The following CYP17A1 variants were observed in gnomAD, a reference collection of about 807,000 sequenced individuals.
CYP17A1 encodes cytochrome P450 family 17 subfamily A member 1.
Under a neutral mutation model 38.5 loss-of-function variants are expected in CYP17A1, and 27 were observed. That is an observed-to-expected ratio of 0.70 (90% CI 0.52 to 0.97). The LOEUF is 0.97. Ranked by LOEUF, CYP17A1 falls within the 50% of genes least tolerant of loss-of-function variation. The probability of loss-of-function intolerance (pLI) is 0.00; values close to 1 mark genes in which losing one functional copy is unlikely to be tolerated. For missense variants in CYP17A1, 549 were observed against 645.9 expected, an observed-to-expected ratio of 0.85 and a Z score of 1.63; for synonymous variants, 263 against 253.3, an observed-to-expected ratio of 1.04 and a Z score of -0.36.
rs1347586947 is a variant in CYP17A1, at chr10:102,832,554, C to T, written c.1096G>A (p.Val366Met). The change falls in exon 6 of 8, where the codon GTG becomes ATG. Residue 366 changes from valine to methionine, a missense_variant. This residue lies in a region of CYP17A1 where 257 missense variants were observed against 307.9 expected (regional missense o/e 0.83). Transcript: ENST00000369887. ...TIREVLRLRPVAPMLIPHKAN... is the reference protein window; with the variant it reads ...TIREVLRLRPMAPMLIPHKAN... Reference sequence around the variant, plus strand: ...TTGTGGGGGATGAGCATAGGGGCCACGGGCCTGAGGCGAAGCACCTCTCGG... The same window carrying T: ...TTGTGGGGGATGAGCATAGGGGCCATGGGCCTGAGGCGAAGCACCTCTCGG... 6 of 1,611,644 alleles carry T rather than the reference C, an allele frequency of 3.7e-6. No individual in the cohort carries two copies. The highest frequency in any genetic ancestry group is 1.1e-5 in the South Asian group (1 of 91,040).
intron 2 of CYP17A1, 83 bp downstream of exon 2, chr10:102,835,171 C>T (rs1236201579): frequency 7.5e-7 from 1 of 1,336,668 alleles, no homozygotes; most frequent in African/African-American, 1.4e-5. Flanking sequence ...TAGTCCTAAC[C>T]CTTACCCCTG....
At chr10:102,834,643 G>A in intron 3 of CYP17A1, 142 bp downstream of exon 3, 1 of 1,135,984 alleles carries the variant, frequency 8.8e-7, no homozygotes, top group Non-Finnish European at 1.3e-6. Flanking sequence ...AAGGTTTTAA[G>A]TGGCAGAGGA....
intron 6 of CYP17A1, among the ~76,000 whole-genome samples, chr10:102,831,942 C>G (rs962328396): frequency 2.6e-5 from 4 of 152,168 alleles, no homozygotes; most frequent in Non-Finnish European, 5.9e-5. Flanking sequence ...TCATCCCAGA[C>G]CACATGTCTC....
rs762160716 is a variant in CYP17A1 at position 102,832,672 on chromosome 10, CTTCTT to C, written c.973_977del (p.Lys325GlufsTer7). 2 of 1,601,724 alleles carry C rather than the reference CTTCTT, an allele frequency of 1.2e-6. No individual in the cohort carries two copies. The highest frequency in any genetic ancestry group is 1.7e-6 in the Non-Finnish European group (2 of 1,168,688). ...TCTGGTCAATCTCCTCGTAGAGCTT[CTTCTT>C]CACCTGAAGACCAGAGTAGGTTGGA... On this transcript the variant is annotated frameshift_variant, in exon 6 of 8. Coordinates refer to ENST00000369887, the MANE Select transcript of CYP17A1 (RefSeq NM_000102.4). LOFTEE classifies it high-confidence loss of function.
chr10:102,832,911 C>T, intron 5 of CYP17A1, 82 bp downstream of exon 5: 1 of 1,572,644 alleles, frequency 6.4e-7, no homozygotes, highest in Non-Finnish European at 8.6e-7. Flanking sequence ...GCACAGAAAG[C>T]CTGAGAGAAT....
rs1844147143 is a variant in CYP17A1 at position 102,835,312 on chromosome 10, C to T, written c.378G>A (p.Arg126=). Residue 126 remains arginine (R), a synonymous_variant, in exon 2 of 8, where the codon AGG becomes AGA. Transcript: ENST00000369887. ...DSGAHWQLHR[R]LAMATFALFK... The stretch of plus-strand genomic sequence containing the variant: ...ACAGGGCAAAGGTGGCCATCGCCAG[C>T]CTTCGATGCAGCTGCCAGTGTGCGC... 7.4e-6 allele frequency: 12 copies of T among 1,612,584 alleles called. No individual in the cohort carries two copies. Among genetic ancestry groups the T allele is most frequent in the Non-Finnish European group, 1.0e-5 (12 of 1,178,626 alleles).
chr10:102,834,877 C>T lies in CYP17A1; in HGVS notation c.574G>A (p.Asp192Asn), dbSNP rs769089279. The change falls in exon 3 of 8, where the codon GAC becomes AAC. Residue 192 changes from aspartate (D) to asparagine (N), a missense_variant. Around this residue, in one of 3 missense-constraint regions of CYP17A1, gnomAD observed 289 missense variants for 320.9 expected, o/e 0.90. Coordinates refer to ENST00000369887, the MANE Select transcript of CYP17A1 (RefSeq NM_000102.4). ...TTCTGTATGACATTCAACTCAGGGT[C>T]CCCATTCTTGTAGGAGGTATTGAAG... is the stretch of plus-strand genomic sequence containing the variant. ...ICFNTSYKNG[D>N]PELNVIQNYN... The T allele has an allele frequency of 1.2e-6, 2 of 1,613,982 alleles. No individual in the cohort carries two copies. Among genetic ancestry groups the T allele is most frequent in the Non-Finnish European group, 1.7e-6 (2 of 1,179,980 alleles).
Position 102,837,272 on chromosome 10 carries a change from G to T in CYP17A1, c.90C>A (p.Ser30Arg). The T allele has an allele frequency of 2.5e-6, 4 of 1,602,674 alleles. No homozygotes were observed. Among genetic ancestry groups the T allele is most frequent in the Non-Finnish European group, 3.4e-6 (4 of 1,169,550 alleles). Residue 30 changes from serine to arginine, a missense_variant, in exon 1 of 8, where the codon AGC becomes AGA. Transcript: ENST00000369887. ...TGCCCACCAGGGGCAGGGACAGGAG[G>T]CTCTTGGGGTACTTGGCACCAGGGC... Reference protein sequence around the residue: ...RRCPGAKYPKSLLSLPLVGSL... With the variant: ...RRCPGAKYPKRLLSLPLVGSL...
chr10:102,834,563 T>G (rs1171516837), intron 3 of CYP17A1: 22 of 628,936 alleles, frequency 3.5e-5, no homozygotes. Flanking sequence ...GGAAAAGAAA[T>G]GAAGGTCATT....
At chr10:102,835,693 T>G (rs949256330) in intron 1 of CYP17A1, 2 of 424,742 alleles carry the variant, frequency 4.7e-6, no homozygotes, top group African/African-American at 4.1e-5. Flanking sequence ...CTGGGCTTCT[T>G]TTTGCTCATC....
Position 102,832,675 on chromosome 10 carries a change from C to T in CYP17A1, c.975G>A (p.Lys325=), listed in dbSNP as rs1380638862. ...GGTCAATCTCCTCGTAGAGCTTCTT[C>T]TTCACCTGAAGACCAGAGTAGGTTG... ...LAFLLHNPQV[K]KKLYEEIDQN... Residue 325 remains lysine (K), a synonymous_variant, in exon 6 of 8, where the codon AAG becomes AAA. Transcript: ENST00000369887. The T allele has an allele frequency of 2.5e-6, 4 of 1,601,478 alleles. No homozygotes were observed. The highest frequency in any genetic ancestry group is 1.7e-5 in the Admixed American group (1 of 60,024).
Position 102,837,085 on chromosome 10 carries a change from A to G in CYP17A1, c.277T>C (p.Phe93Leu). 1 of 1,605,814 alleles carries G rather than the reference A, an allele frequency of 6.2e-7. No homozygotes were observed. Residue 93 changes from phenylalanine (F) to leucine (L), a missense_variant, in exon 1 of 8, where the codon TTC becomes CTC. Phe to Leu is a conservative substitution (Grantham distance 22). Coordinates refer to ENST00000369887, the MANE Select transcript of CYP17A1 (RefSeq NM_000102.4). ...KEVLIKKGKD[F>L]SGRPQMATLD... Reference sequence around the variant, plus strand: ...CTTACCATTTGAGGCCGCCCAGAGAAGTCCTTGCCCTTCTTAATAAGCACC... The same window carrying G: ...CTTACCATTTGAGGCCGCCCAGAGAGGTCCTTGCCCTTCTTAATAAGCACC...
At position 102,830,686 on chromosome 10, in the gene CYP17A1, C is replaced by T; in HGVS notation, c.*16G>A. 2.0e-6 allele frequency: 3 copies of T among 1,485,076 alleles called. No homozygotes were observed. The highest frequency in any genetic ancestry group is 2.8e-6 in the Non-Finnish European group (3 of 1,068,548). The allele number at this position is 1,485,076 out of a possible 1,614,324, so 92.0% of individuals were successfully genotyped here. A position where few individuals can be genotyped will look rare whatever the true frequency, so the allele number is the denominator to read the frequency against. ...TGGGGCCACATAGGGTGGACAGGGG[C>T]TGTGAGTTACAGCCTTTAGGTGCTA... On this transcript the variant is annotated 3_prime_UTR_variant, in exon 8 of 8. Transcript: ENST00000369887. The surrounding 1 kb of genome is among the most constrained non-coding windows in gnomAD (Gnocchi z 4.1).
intron 4 of CYP17A1, 163 bp from the exon 5 acceptor site, chr10:102,833,371 G>A (rs1025840223): frequency 9.2e-6 from 13 of 1,412,612 alleles, no homozygotes; most frequent in Admixed American, 6.6e-5. Context: ...AGGCAGCCCC[G>A]GGCCCTCTTT....
rs1347291202 is a variant in CYP17A1 at position 102,830,997 on chromosome 10, G to T, written c.1244-12C>A. On this transcript the variant is annotated splice_polypyrimidine_tract_variant and intron_variant, in intron 7 of 7. Coordinates refer to ENST00000369887, the MANE Select transcript of CYP17A1 (RefSeq NM_000102.4). This position sits in a 1 kb window ranked among gnomAD's most constrained non-coding sequence, Gnocchi z 4.1. ...ATTCAAGAAACGCTCTGCAGGCAAG[G>T]AGTGGCATCAGCCAGGGGTTAGGGC... The T allele has an allele frequency of 6.4e-7, 1 of 1,552,858 alleles. No individual in the cohort carries two copies. Among genetic ancestry groups the T allele is most frequent in the Non-Finnish European group, 8.8e-7 (1 of 1,141,912 alleles).
rs746600354 is a variant in CYP17A1, at chr10:102,832,980, G to C, written c.969+13C>G. ...GCTGGCTGGGGTCTAGGATCAATGA[G>C]GGGGAAGCACACCTGAGGATTGTGC... On this transcript the variant is annotated intron_variant, in intron 5 of 7. Coordinates refer to ENST00000369887, the MANE Select transcript of CYP17A1 (RefSeq NM_000102.4). 2 of 1,613,556 alleles carry C rather than the reference G, an allele frequency of 1.2e-6. No homozygotes were observed. The highest frequency in any genetic ancestry group is 1.7e-6 in the Non-Finnish European group (2 of 1,179,758).
At position 102,830,878 on chromosome 10, in the gene CYP17A1, C is replaced by T. The variant is rs1844078573; in HGVS notation, c.1351G>A (p.Glu451Lys). 1 of 1,587,034 alleles carries T rather than the reference C, an allele frequency of 6.3e-7. No individual in the cohort carries two copies. The highest frequency in any genetic ancestry group is 1.1e-5 in the South Asian group (1 of 87,948). The change falls in exon 8 of 8, where the codon GAG becomes AAG. Residue 451 changes from glutamate (E) to lysine (K), a missense_variant. Glu to Lys is a moderately conservative substitution (Grantham distance 56). This residue lies in a region of CYP17A1 where 257 missense variants were observed against 307.9 expected (regional missense o/e 0.83). Coordinates refer to ENST00000369887, the MANE Select transcript of CYP17A1 (RefSeq NM_000102.4). The surrounding 1 kb of genome is among the most constrained non-coding windows in gnomAD (Gnocchi z 4.1). Reference sequence around the variant, plus strand: ...AGCCAGGCCATGATGAGGAAGAGCTCCTGGCGGGCCAGGATCTCACCTATA... The same window carrying T: ...AGCCAGGCCATGATGAGGAAGAGCTTCTGGCGGGCCAGGATCTCACCTATA... The part of the protein sequence containing the change: ...SCIGEILARQ[E>K]LFLIMAWLLQ...
chr10:102,833,397 GT>G, intron 4 of CYP17A1, 189 bp from the exon 5 acceptor site: 1 of 1,086,752 alleles, frequency 9.2e-7, no homozygotes, highest in Non-Finnish European at 1.3e-6. Context: ...TGGTGGAGAG[GT>G]TAGGTCTCTT....
intron 4 of CYP17A1, 56 bp downstream of exon 4, chr10:102,833,980 C>G: frequency 1.2e-6 from 1 of 847,108 alleles, no homozygotes. Context: ...GGACTCCACC[C>G]TGCTCTTGTG....
Sources: allele counts gnomAD v4.1 joint callset (sites outside exome capture counted in the v4.1 genomes callset), GRCh38; gene constraint gnomAD v4.1.1; regional missense constraint gnomAD v4.1.1; non-coding constraint Gnocchi (gnomAD v3.1); transcripts MANE v1.5; gene names NCBI Gene and HGNC (gene_info 2026-07-23, HGNC 2026-07-21).